Variants in DPP10 observed in about 807,000 individuals in gnomAD.
DPP10 encodes dipeptidyl peptidase like 10, also known as inactive dipeptidyl peptidase 10.
DPP10 carries 33 observed loss-of-function variants against 120.9 expected under a neutral mutation model. That is an observed-to-expected ratio of 0.27 (90% CI 0.21 to 0.37). The LOEUF (loss-of-function observed/expected upper bound fraction) is 0.37. Among genes scored for constraint, DPP10 ranks in the 10% least tolerant of loss-of-function variants. The pLI, the probability that DPP10 is intolerant of heterozygous loss-of-function variation, is 1.00. For missense variants in DPP10, 816 were observed against 942.8 expected, an observed-to-expected ratio of 0.87 and a Z score of 1.76; for synonymous variants, 337 against 326.1, an observed-to-expected ratio of 1.03 and a Z score of -0.36.
chr2:115,271,787 G>T (rs1169283163), intron 1 of DPP10, among the ~76,000 whole-genome samples: 1 of 152,202 alleles, frequency 6.6e-6, no homozygotes, highest in East Asian at 1.9e-4. Context: ...CATAGTGTAG[G>T]TATTTTTTAT....
At chr2:115,236,404 T>G (rs2058011112) in intron 1 of DPP10, among the ~76,000 whole-genome samples, 1 of 152,208 alleles carries the variant, frequency 6.6e-6, no homozygotes, top group African/African-American at 2.4e-5. Context: ...TTATCTTGTT[T>G]ATTAATAATA....
intron 5 of DPP10, among the ~76,000 whole-genome samples, chr2:115,639,401 G>A (rs996127846): frequency 6.6e-6 from 1 of 152,182 alleles, no homozygotes; most frequent in South Asian, 2.1e-4. Context: ...TTAGGAAGTA[G>A]AAATTAGAGT....
chr2:114,642,448 A>T (rs1202607782), intron 1 of DPP10, among the ~76,000 whole-genome samples: 1 of 151,958 alleles, frequency 6.6e-6, no homozygotes, highest in Non-Finnish European at 1.5e-5. Flanking sequence ...TGACAAAATT[A>T]AACAAAAACT....
intron 16 of DPP10, among the ~76,000 whole-genome samples, chr2:115,781,889 T>C (rs1438250243): frequency 6.6e-6 from 1 of 152,064 alleles, no homozygotes; most frequent in Non-Finnish European, 1.5e-5. Context: ...TAAATTAATA[T>C]ATAGTTACCA....
chr2:115,287,061 T>G (rs1007509455), intron 1 of DPP10, among the ~76,000 whole-genome samples: 5 of 152,154 alleles, frequency 3.3e-5, no homozygotes, highest in Admixed American at 2.6e-4. Flanking sequence ...TTGGATTGCT[T>G]CACTAGGGAA....
chr2:115,079,572 A>C (rs1708095559), intron 1 of DPP10, among the ~76,000 whole-genome samples: 1 of 152,118 alleles, frequency 6.6e-6, no homozygotes, highest in East Asian at 1.9e-4. Flanking sequence ...TTCAGGGACT[A>C]GTACTTGCCA....
intron 2 of DPP10, among the ~76,000 whole-genome samples, chr2:115,330,537 A>C (rs1197068701): frequency 1.3e-5 from 2 of 152,018 alleles, no homozygotes; most frequent in East Asian, 3.9e-4. Context: ...GGTATTGCCT[A>C]GGTTTTCTTC....
intron 1 of DPP10, among the ~76,000 whole-genome samples, chr2:115,116,817 C>T (rs1427595025): frequency 6.6e-6 from 1 of 152,150 alleles, no homozygotes; most frequent in Non-Finnish European, 1.5e-5. Context: ...GAATGTCATA[C>T]AATCTTTTCC....
chr2:115,274,087 TTGTGTG>T (rs149873576), intron 1 of DPP10, among the ~76,000 whole-genome samples: 1 of 151,532 alleles, frequency 6.6e-6, no homozygotes, highest in Non-Finnish European at 1.5e-5. Flanking sequence ...GCAGAATTGT[TTGTGTG>T]TGTGTGTGTC....
intron 1 of DPP10, among the ~76,000 whole-genome samples, chr2:115,175,619 T>C (rs2053635869): frequency 6.6e-6 from 1 of 152,226 alleles, no homozygotes; most frequent in Non-Finnish European, 1.5e-5. Flanking sequence ...TAATTGAACC[T>C]TAGTTTCCTA....
chr2:115,287,164 AAGTT>A (rs1199403228), intron 1 of DPP10, among the ~76,000 whole-genome samples: 3 of 152,128 alleles, frequency 2.0e-5, no homozygotes, highest in African/African-American at 7.2e-5. Flanking sequence ...AGTGTACTAA[AAGTT>A]AGGGAAGCAG....
chr2:114,455,351 C>T (rs1008542768), intron 1 of DPP10, among the ~76,000 whole-genome samples: 1 of 152,080 alleles, frequency 6.6e-6, no homozygotes, highest in African/African-American at 2.4e-5. Context: ...TCCAGACCCA[C>T]CTGGCCAACA....
chr2:114,952,225 G>C (rs1253428012), intron 1 of DPP10, among the ~76,000 whole-genome samples: 1 of 151,776 alleles, frequency 6.6e-6, no homozygotes, highest in African/African-American at 2.4e-5. Flanking sequence ...ACAAATACAA[G>C]TGCTTATATA....
chr2:114,639,292 C>G (rs1330453824), intron 1 of DPP10, among the ~76,000 whole-genome samples: 1 of 151,896 alleles, frequency 6.6e-6, no homozygotes, highest in Non-Finnish European at 1.5e-5. Flanking sequence ...ATGACACTTA[C>G]TCCCCATCGT....
chr2:114,460,148 C>A (rs1051687877), intron 1 of DPP10, among the ~76,000 whole-genome samples: 1 of 151,630 alleles, frequency 6.6e-6, no homozygotes, highest in African/African-American at 2.4e-5. Context: ...CATTCCATAG[C>A]AACCGAATGC....
chr2:115,553,378 AT>A (rs5833611), intron 5 of DPP10, among the ~76,000 whole-genome samples: 31,043 of 151,918 alleles, frequency 0.2, 4,370 homozygotes, highest in African/African-American at 0.39. Flanking sequence ...ATAAATGAAA[AT>A]TATCACTATT....
At chr2:114,468,346 G>A (rs780165830) in intron 1 of DPP10, among the ~76,000 whole-genome samples, 4 of 131,884 alleles carry the variant, frequency 3.0e-5, no homozygotes, top group Non-Finnish European at 6.1e-5. Flanking sequence ...TACTGATCAC[G>A]TCTTGTCCTG....
At chr2:115,162,251 C>T in intron 1 of DPP10, 2 of 1,560,228 alleles carry the variant, frequency 1.3e-6, no homozygotes, top group Non-Finnish European at 1.7e-6. Flanking sequence ...AGGTGGAGAG[C>T]CGCGGGGAAG....
At chr2:115,535,726 T>G (rs1194913703) in intron 5 of DPP10, among the ~76,000 whole-genome samples, 2 of 151,568 alleles carry the variant, frequency 1.3e-5, no homozygotes, top group African/African-American at 4.8e-5. Flanking sequence ...TTCACGATAT[T>G]GATTCTTCCT....
Sources: allele counts gnomAD v4.1 joint callset (sites outside exome capture counted in the v4.1 genomes callset), GRCh38; gene constraint gnomAD v4.1.1; transcripts MANE v1.5; gene names NCBI Gene and HGNC (gene_info 2026-07-23, HGNC 2026-07-21).